The following CD47 variants were observed in gnomAD, a reference collection of about 807,000 sequenced individuals.
The protein encoded by CD47 is CD47 molecule.
A neutral mutation model predicts 44.6 loss-of-function variants in CD47; 11 were observed. The observed-to-expected ratio is 0.25, with a 90% CI of 0.16 to 0.41. The LOEUF (loss-of-function observed/expected upper bound fraction) is 0.41. Among genes scored for constraint, CD47 ranks in the 10% least tolerant of loss-of-function variants. The pLI, the probability that CD47 is intolerant of heterozygous loss-of-function variation, is 1.00. For missense variants in CD47, 306 were observed against 386.7 expected, an observed-to-expected ratio of 0.79 and a Z score of 1.75; for synonymous variants, 140 against 136.3, an observed-to-expected ratio of 1.03 and a Z score of -0.19.
chr3:108,051,910 C>T, intron 8 of CD47, 29 bp downstream of exon 8: 1 of 1,490,142 alleles, frequency 6.7e-7, no homozygotes, highest in African/African-American at 1.4e-5. Flanking sequence ...AATGATCATT[C>T]ACAATTCATT....
rs2079392564 is a variant in CD47 at position 108,080,317 on chromosome 3, G to A, written c.74C>T (p.Thr25Ile). The A allele has an allele frequency of 1.2e-6, 2 of 1,606,234 alleles. No individual in the cohort carries two copies. The highest frequency in any genetic ancestry group is 1.7e-6 in the Non-Finnish European group (2 of 1,174,360). ...ACAAAACGTGAATTCTACAGATTTTGTTTTATTAAATAGTAGCTGAGCTGA... is the reference window on the plus strand; with the variant it reads ...ACAAAACGTGAATTCTACAGATTTTATTTTATTAAATAGTAGCTGAGCTGA... ...CGSAQLLFNK[T>I]KSVEFTFCND... is the part of the protein sequence containing the mutation. Residue 25 changes from threonine to isoleucine, a missense_variant, in exon 2 of 11, where the codon ACA becomes ATA. Thr to Ile is a moderately conservative substitution (Grantham distance 89). Around this residue, in one of 5 missense-constraint regions of CD47, gnomAD observed 38 missense variants for 42.7 expected, o/e 0.89. Transcript: ENST00000361309.
At chr3:108,081,609 T>C (rs945797029) in intron 1 of CD47, among the ~76,000 whole-genome samples, 1 of 151,932 alleles carries the variant, frequency 6.6e-6, no homozygotes, top group African/African-American at 2.4e-5. Context: ...TCTGCCCCTT[T>C]TTAATATGCT....
intron 3 of CD47, among the ~76,000 whole-genome samples, chr3:108,063,557 T>C (rs906182436): frequency 6.6e-6 from 1 of 152,160 alleles, no homozygotes; most frequent in African/African-American, 2.4e-5. Flanking sequence ...CCCAATAACC[T>C]CAAGGATCTC....
At chr3:108,088,248 G>A (rs1377670748) in intron 1 of CD47, among the ~76,000 whole-genome samples, 1 of 152,176 alleles carries the variant, frequency 6.6e-6, no homozygotes. Context: ...GAATATGCGT[G>A]ATTATTTTGG....
intron 10 of CD47, among the ~76,000 whole-genome samples, chr3:108,048,332 C>T (rs965390965): frequency 6.8e-6 from 1 of 146,862 alleles, no homozygotes; most frequent in Non-Finnish European, 1.5e-5. Flanking sequence ...GCTGAATACA[C>T]GTTGTTTTAA....
chr3:108,081,553 T>C (rs2079418078), intron 1 of CD47, among the ~76,000 whole-genome samples: 1 of 151,980 alleles, frequency 6.6e-6, no homozygotes, highest in Non-Finnish European at 1.5e-5. Context: ...CATACTGGAA[T>C]ATAGGTACTG....
chr3:108,051,967 G>A lies in CD47; in HGVS notation c.881C>T (p.Ser294Phe). 7.4e-7 allele frequency: 1 copy of A among 1,344,402 alleles called. No homozygotes were observed. Among genetic ancestry groups the A allele is most frequent in the African/African-American group, 1.4e-5 (1 of 69,618 alleles). The allele number at this position is 1,344,402 out of a possible 1,614,324, so 83.3% of individuals were successfully genotyped here. ...AGGAGGTTGTATAGTCTTCTGATTGGAAGCTGATATAAATAACAAATAAGA... is the reference window on the plus strand; with the variant it reads ...AGGAGGTTGTATAGTCTTCTGATTGAAAGCTGATATAAATAACAAATAAGA... ...LGLVYMKFVA[S>F]NQKTIQPPRK... Residue 294 changes from serine to phenylalanine, a missense_variant, in exon 8 of 11, where the codon TCC becomes TTC. Ser to Phe is a radical substitution (Grantham distance 155). Transcript: ENST00000361309.
chr3:108,079,567 TAAAAAAAAAAA>T (rs71629342), intron 2 of CD47, among the ~76,000 whole-genome samples: 15,732 of 53,328 alleles, frequency 0.3, 1,286 homozygotes, highest in Middle Eastern at 0.5. Flanking sequence ...AGTGTAAGGT[TAAAAAAAAAAA>T]AAAAAAAAAA....
chr3:108,048,459 A>T (rs2078761171), intron 10 of CD47, among the ~76,000 whole-genome samples: 2 of 132,220 alleles, frequency 1.5e-5, no homozygotes, highest in Admixed American at 2.0e-4. Context: ...ATCTTGGCTC[A>T]CTGCAAGCTC....
intron 1 of CD47, among the ~76,000 whole-genome samples, chr3:108,085,803 A>C (rs1007665490): frequency 1.3e-5 from 2 of 152,158 alleles, no homozygotes; most frequent in Non-Finnish European, 2.9e-5. Context: ...CCATAGAAGA[A>C]AAATCTAAAA....
intron 10 of CD47, among the ~76,000 whole-genome samples, chr3:108,049,055 T>C (rs1481767403): frequency 3.3e-5 from 5 of 151,468 alleles, no homozygotes; most frequent in Non-Finnish European, 7.4e-5. Context: ...AGCCCAGAGT[T>C]CTTAAAAAAA....
At chr3:108,086,537 T>C (rs1043582969) in intron 1 of CD47, among the ~76,000 whole-genome samples, 1 of 152,330 alleles carries the variant, frequency 6.6e-6, no homozygotes, top group East Asian at 1.9e-4. Context: ...TCTTTCCATC[T>C]GTCAATGGAC....
At position 108,083,594 on chromosome 3, in the gene CD47, G is replaced by A. The variant is rs192247892; in HGVS notation, c.47-3250C>T. The stretch of plus-strand genomic sequence containing the variant: ...CTGCATGGACAACGTCCTTATGGAT[G>A]GGCAGAAGAGTAATTGGTCTTACAG... On this transcript the variant is annotated intron_variant, in intron 1 of 10. Coordinates refer to ENST00000361309, the MANE Select transcript of CD47 (RefSeq NM_001777.4). Among the ~76,000 whole-genome samples the A allele has an allele frequency of 2.2e-3, 331 of 152,072 alleles. 2 individuals are homozygous for A. Among genetic ancestry groups the A allele is most frequent in the South Asian group, 6.2e-4 (3 of 4,820 alleles).
Position 108,090,970 on chromosome 3 carries a change from G to T in CD47, c.-62C>A. On this transcript the variant is annotated 5_prime_UTR_variant, in exon 1 of 11. Transcript: ENST00000361309. ...GGTGTCCGGAGCAGCAGCCGCCGCC[G>T]CCGTTACAGGCAGGACCGACCGCCG... 1 of 1,271,548 alleles carries T rather than the reference G, an allele frequency of 7.9e-7. No homozygotes were observed. Among genetic ancestry groups the T allele is most frequent in the South Asian group, 1.5e-5 (1 of 66,816 alleles). 78.8% of individuals were successfully genotyped at this position (1,271,548 alleles called of 1,614,324 possible). A position where few individuals can be genotyped will look rare whatever the true frequency, so the allele number is the denominator to read the frequency against.
At chr3:108,053,573 T>C (rs1253622078) in intron 7 of CD47, 2 of 152,362 alleles carry the variant, frequency 1.3e-5, no homozygotes, top group Admixed American at 6.5e-5. Context: ...TCAGGAACTA[T>C]AACTGACAGG....
chr3:108,049,642 TC>T lies in CD47; in HGVS notation c.943del (p.Glu315AsnfsTer5). 5 of 1,600,382 alleles carry T rather than the reference TC, an allele frequency of 3.1e-6. No homozygotes were observed. Among genetic ancestry groups the T allele is most frequent in the Non-Finnish European group, 4.3e-6 (5 of 1,167,604 alleles). ...AVEEPLNAFK[E>X]SKGMMNDE ...ACCATCATTCATCATTCCTTTTGAT[TC>T]TTTGAATGCTAGGATTAGTAACAAG... On this transcript the variant is annotated frameshift_variant, in exon 10 of 11. Coordinates refer to ENST00000361309, the MANE Select transcript of CD47 (RefSeq NM_001777.4). LOFTEE classifies it high-confidence loss of function.
intron 3 of CD47, among the ~76,000 whole-genome samples, chr3:108,065,648 T>G (rs2079091155): frequency 6.6e-6 from 1 of 151,306 alleles, no homozygotes; most frequent in Admixed American, 6.6e-5. Context: ...CCATCACTAC[T>G]AAAAATACAA....
intron 1 of CD47, among the ~76,000 whole-genome samples, chr3:108,084,069 T>C (rs1395844097): frequency 1.3e-5 from 2 of 151,924 alleles, no homozygotes; most frequent in Admixed American, 6.6e-5. Context: ...TCTTTAAAAA[T>C]TGCTTGAATA....
rs1560050820 is a variant in CD47, at chr3:108,090,951, C to CAGCAGCCGCCGCAGGTGTCT, written c.-44_-43insAGACACCTGCGGCGGCTGCT. 1 of 1,421,946 alleles carries CAGCAGCCGCCGCAGGTGTCT rather than the reference C, an allele frequency of 7.0e-7. No homozygotes were observed. Among genetic ancestry groups the CAGCAGCCGCCGCAGGTGTCT allele is most frequent in the Non-Finnish European group, 9.3e-7 (1 of 1,078,506 alleles). The allele number at this position is 1,421,946 out of a possible 1,614,324, so 88.1% of individuals were successfully genotyped here. A position where few individuals can be genotyped will look rare whatever the true frequency, so the allele number is the denominator to read the frequency against. On this transcript the variant is annotated 5_prime_UTR_variant, in exon 1 of 11. Transcript: ENST00000361309. Reference sequence around the variant, plus strand: ...GGTCGCCGCCGCCGCCGCAGGTGTCCGGAGCAGCAGCCGCCGCCGCCGTTA... The same window carrying CAGCAGCCGCCGCAGGTGTCT: ...GGTCGCCGCCGCCGCCGCAGGTGTCCAGCAGCCGCCGCAGGTGTCTGGAGCAGCAGCCGCCGCCGCCGTTA...
Sources: gnomAD v4.1 joint callset for allele counts (sites outside exome capture counted in the v4.1 genomes callset) on GRCh38, gnomAD v4.1.1 for gene constraint, gnomAD v4.1.1 regional missense constraint, MANE v1.5 for transcripts, NCBI Gene and HGNC (gene_info 2026-07-23, HGNC 2026-07-21) for gene names.